KCNIP4: variants seen among roughly 807,000 people sequenced by gnomAD.
The protein encoded by KCNIP4 is Kv channel-interacting protein 4.
Under a neutral mutation model 34.0 loss-of-function variants are expected in KCNIP4, and 12 were observed. That is an observed-to-expected ratio of 0.35 (90% CI 0.23 to 0.57). KCNIP4 has a LOEUF of 0.57. Ranked by LOEUF, KCNIP4 falls within the 20% of genes least tolerant of loss-of-function variation. KCNIP4 has a pLI of 0.83. For missense variants in KCNIP4, 238 were observed against 311.7 expected (o/e 0.76, Z 1.78); for synonymous variants, 124 against 102.2 (o/e 1.21, Z -1.29).
intron 1 of KCNIP4, among the ~76,000 whole-genome samples, chr4:20,934,465 C>T (rs1325411902): frequency 6.6e-6 from 1 of 152,102 alleles, no homozygotes; most frequent in Non-Finnish European, 1.5e-5. Context: ...CAATACCCTC[C>T]CAGTTTTCCT....
intron 1 of KCNIP4, among the ~76,000 whole-genome samples, chr4:21,127,499 T>G (rs1031279048): frequency 5.3e-5 from 8 of 152,184 alleles, no homozygotes; most frequent in African/African-American, 1.9e-4. Flanking sequence ...TCATCTGCAC[T>G]TCCATCTTAC....
intron 1 of KCNIP4, among the ~76,000 whole-genome samples, chr4:21,783,814 T>C (rs1719728442): frequency 6.6e-6 from 1 of 152,178 alleles, no homozygotes; most frequent in Non-Finnish European, 1.5e-5. Flanking sequence ...TTATTTCTAT[T>C]AATTTACAAC....
chr4:20,959,085 T>C (rs558542477), intron 1 of KCNIP4, among the ~76,000 whole-genome samples: 2 of 152,314 alleles, frequency 1.3e-5, no homozygotes, highest in Non-Finnish European at 1.5e-5. Flanking sequence ...GGAGGAGGTT[T>C]AGTCGGTAAC....
intron 1 of KCNIP4, among the ~76,000 whole-genome samples, chr4:21,769,246 G>T (rs1234732462): frequency 1.3e-5 from 2 of 151,824 alleles, no homozygotes; most frequent in African/African-American, 2.4e-5. Flanking sequence ...TTATTTTATT[G>T]GGAGTGAACA....
intron 1 of KCNIP4, among the ~76,000 whole-genome samples, chr4:21,121,967 G>C (rs868653787): frequency 6.6e-6 from 1 of 152,148 alleles, no homozygotes; most frequent in East Asian, 1.9e-4. Flanking sequence ...GTATGTAAAA[G>C]TATCAAAAAT....
intron 3 of KCNIP4, among the ~76,000 whole-genome samples, chr4:20,813,063 G>A (rs1715967444): frequency 6.6e-6 from 1 of 152,054 alleles, no homozygotes; most frequent in Non-Finnish European, 1.5e-5. Flanking sequence ...GGAAAAATTG[G>A]TCTCCATCTT....
rs1452522119 is a variant in KCNIP4, at chr4:21,583,117, A to G, written c.61+365454T>C. Among the ~76,000 whole-genome samples, 3 of 152,014 alleles carry G rather than the reference A, an allele frequency of 2.0e-5. No homozygotes were observed. In the East Asian group the frequency reaches 5.8e-4, roughly 29 times the overall value. The stretch of plus-strand genomic sequence containing the variant: ...TTCCCCTTTGAAGAAAACCGCCCTC[A>G]GTAAAACCAAAAGTGAATTTTAGTG... On this transcript the variant is annotated intron_variant, in intron 1 of 8. Coordinates refer to ENST00000382152, the MANE Select transcript of KCNIP4 (RefSeq NM_025221.6).
intron 1 of KCNIP4, among the ~76,000 whole-genome samples, chr4:21,112,769 G>A (rs1234358044): frequency 6.6e-6 from 1 of 152,092 alleles, no homozygotes; most frequent in Non-Finnish European, 1.5e-5. Flanking sequence ...AATCTGTAGT[G>A]TATTTGTCTT....
rs187449436 is a variant in KCNIP4, at chr4:21,047,072, A to T, written c.62-164363T>A. ...GTGCTTATTAATAATGATATATTTT[A>T]AAAAGTTGTAACAGAAAGTTCCAAC... On this transcript the variant is annotated intron_variant, in intron 1 of 8. Transcript: ENST00000382152. 5.6e-3 allele frequency among the ~76,000 whole-genome samples: 858 copies of T among 152,356 alleles called. 6 individuals are homozygous for T. Among genetic ancestry groups the T allele is most frequent in the Middle Eastern group, 0.017 (5 of 294 alleles).
At chr4:21,147,956 A>AAAAAAAAAAAAAAAAAAAG (rs1553945843) in intron 1 of KCNIP4, among the ~76,000 whole-genome samples, 2 of 128,410 alleles carry the variant, frequency 1.6e-5, no homozygotes, top group Admixed American at 7.9e-5. Flanking sequence ...AAAAAAAAAA[A>AAAAAAAAAAAAAAAAAAAG]AAAAGAAAAA....
intron 1 of KCNIP4, among the ~76,000 whole-genome samples, chr4:21,063,732 C>T (rs1744119883): frequency 6.6e-6 from 1 of 151,860 alleles, no homozygotes; most frequent in Admixed American, 6.6e-5. Context: ...ACTGGATAGA[C>T]TCTAACTTTT....
intron 1 of KCNIP4, among the ~76,000 whole-genome samples, chr4:21,088,423 G>C (rs6825882): frequency 6.6e-6 from 1 of 151,868 alleles, no homozygotes; most frequent in Admixed American, 6.6e-5. Context: ...GGATCCGTAC[G>C]TTCATTCTTG....
chr4:20,867,697 C>G (rs942955068), intron 2 of KCNIP4, among the ~76,000 whole-genome samples: 2 of 151,968 alleles, frequency 1.3e-5, no homozygotes, highest in African/African-American at 4.8e-5. Flanking sequence ...CTCAAGAGCT[C>G]CTGCACAGTA....
At chr4:21,714,803 T>TC in intron 1 of KCNIP4, among the ~76,000 whole-genome samples, 4 of 422 alleles carry the variant, frequency 9.5e-3, no homozygotes, top group African/African-American at 0.013. Context: ...TATTTTATTT[T>TC]ATTTTATTTT....
chr4:21,678,083 T>G (rs1208208187), intron 1 of KCNIP4, among the ~76,000 whole-genome samples: 8 of 152,090 alleles, frequency 5.3e-5, no homozygotes, highest in African/African-American at 1.9e-4. Context: ...CTCCATAGTA[T>G]GGGCCAGAGA....
chr4:20,819,509 A>T (rs1421823799), intron 3 of KCNIP4, among the ~76,000 whole-genome samples: 1 of 152,210 alleles, frequency 6.6e-6, no homozygotes. Flanking sequence ...TGGAATAATA[A>T]AAGGAGTTTC....
At chr4:21,786,781 T>C (rs557867271) in intron 1 of KCNIP4, among the ~76,000 whole-genome samples, 2 of 152,202 alleles carry the variant, frequency 1.3e-5, no homozygotes, top group African/African-American at 4.8e-5. Context: ...TTAGCCAGGA[T>C]GGTCTCCATC....
chr4:21,321,440 A>G (rs2109301398), intron 1 of KCNIP4, among the ~76,000 whole-genome samples: 1 of 152,288 alleles, frequency 6.6e-6, no homozygotes, highest in South Asian at 2.1e-4. Context: ...AGATGTAAAT[A>G]TAGGTAATAG....
intron 1 of KCNIP4, among the ~76,000 whole-genome samples, chr4:21,719,470 T>A (rs956725206): frequency 3.3e-5 from 5 of 152,292 alleles, no homozygotes; most frequent in African/African-American, 1.2e-4. Context: ...ATATGGTACT[T>A]CATCAGGACC....
Sources: allele counts gnomAD v4.1 joint callset (sites outside exome capture counted in the v4.1 genomes callset), GRCh38; gene constraint gnomAD v4.1.1; transcripts MANE v1.5; gene names NCBI Gene and HGNC (gene_info 2026-07-23, HGNC 2026-07-21).